The following SFT2D1 variants were observed in gnomAD, a reference collection of about 807,000 sequenced individuals.
SFT2D1 encodes the protein SFT2 domain containing 1, also known as vesicle transport protein SFT2A.
SFT2D1 carries 24 observed loss-of-function variants against 28.1 expected under a neutral mutation model. That is an observed-to-expected ratio of 0.85 (90% CI 0.62 to 1.20). The LOEUF (loss-of-function observed/expected upper bound fraction) is 1.20. Ranked by LOEUF, SFT2D1 falls within the 50% of genes most tolerant of loss-of-function variation. SFT2D1 has a pLI of 0.00. For missense variants in SFT2D1, 181 were observed against 190.9 expected (o/e 0.95, Z 0.31); for synonymous variants, 82 against 73.7 (o/e 1.11, Z -0.58).
Position 166,330,143 on chromosome 6 carries a change from T to C in SFT2D1, c.150+18A>G, listed in dbSNP as rs747099422. Reference sequence around the variant, plus strand: ...ATACAAAATAAAAATTATTAAACAATATAAAGCCTTAACTCACAAGAATAG... The same window carrying C: ...ATACAAAATAAAAATTATTAAACAACATAAAGCCTTAACTCACAAGAATAG... On this transcript the variant is annotated intron_variant, in intron 2 of 7. Coordinates refer to ENST00000361731, the MANE Select transcript of SFT2D1 (RefSeq NM_145169.3). 1.3e-6 allele frequency: 2 copies of C among 1,536,808 alleles called. No homozygotes were observed. Among genetic ancestry groups the C allele is most frequent in the East Asian group, 4.6e-5 (2 of 43,458 alleles).
At chr6:166,340,633 G>C (rs938775956) in intron 1 of SFT2D1, among the ~76,000 whole-genome samples, 1 of 152,162 alleles carries the variant, frequency 6.6e-6, no homozygotes, top group Non-Finnish European at 1.5e-5. Flanking sequence ...CTCCCTGGCA[G>C]GGAGGCCTTA....
intron 7 of SFT2D1, 143 bp from the exon 8 acceptor site, chr6:166,320,399 G>GT: frequency 1.6e-6 from 1 of 643,500 alleles, no homozygotes; most frequent in Non-Finnish European, 2.6e-6. Flanking sequence ...ACTTTGTTCA[G>GT]TATCATTTAA....
chr6:166,338,472 TA>T (rs1778706329), intron 1 of SFT2D1, among the ~76,000 whole-genome samples: 1 of 151,948 alleles, frequency 6.6e-6, no homozygotes, highest in African/African-American at 2.4e-5. Flanking sequence ...AGGACATAAA[TA>T]GGGGCAGAGT....
intron 3 of SFT2D1, among the ~76,000 whole-genome samples, chr6:166,328,687 G>T (rs963466325): frequency 3.3e-5 from 5 of 152,180 alleles, no homozygotes; most frequent in African/African-American, 1.2e-4. Context: ...CTTCTGCCCT[G>T]GGAGGACACA....
intron 4 of SFT2D1, 90 bp downstream of exon 4, chr6:166,328,183 AAAG>A (rs937378301): frequency 7.3e-6 from 4 of 548,280 alleles, no homozygotes; most frequent in South Asian, 5.3e-5. Flanking sequence ...AAAAATAAAA[AAAG>A]AAGTATACAT....
In SFT2D1 at chr6:166,342,200, C is replaced by CGG. The variant is rs397698776; in HGVS notation, c.63+217_63+218dup. ...AAGTCAGAAGGCCAGATGGGAGAGT[C>CGG]GGGGGGGGGCCTCAAAGTGGGTTTA... On this transcript the variant is annotated intron_variant, in intron 1 of 7. Coordinates refer to ENST00000361731, the MANE Select transcript of SFT2D1 (RefSeq NM_145169.3). Among the ~76,000 whole-genome samples the CGG allele has an allele frequency of 7.6e-3, 1,142 of 150,852 alleles. 10 individuals are homozygous for CGG. The highest frequency in any genetic ancestry group is 0.045 in the South Asian group (213 of 4,764).
At chr6:166,322,565 C>T (rs1778375813) in intron 7 of SFT2D1, among the ~76,000 whole-genome samples, 1 of 151,496 alleles carries the variant, frequency 6.6e-6, no homozygotes, top group Non-Finnish European at 1.5e-5. Context: ...TGGCAGTACG[C>T]GCCTGTAGTC....
chr6:166,337,362 C>T (rs1414970222), intron 1 of SFT2D1, among the ~76,000 whole-genome samples: 2 of 152,202 alleles, frequency 1.3e-5, no homozygotes, highest in Non-Finnish European at 2.9e-5. Flanking sequence ...TCCTTAATTC[C>T]AAGGAACATT....
chr6:166,325,672 C>T (rs1181008823), intron 5 of SFT2D1, among the ~76,000 whole-genome samples: 1 of 152,268 alleles, frequency 6.6e-6, no homozygotes, highest in Non-Finnish European at 1.5e-5. Flanking sequence ...TGAGCCAGGG[C>T]CCTTCACCAC....
At chr6:166,335,906 C>T (rs763844024) in intron 1 of SFT2D1, among the ~76,000 whole-genome samples, 1 of 152,192 alleles carries the variant, frequency 6.6e-6, no homozygotes, top group African/African-American at 2.4e-5. Context: ...ACAATACTCA[C>T]GTGTATGAGC....
chr6:166,339,571 T>G (rs1332818400), intron 1 of SFT2D1, among the ~76,000 whole-genome samples: 1 of 152,088 alleles, frequency 6.6e-6, no homozygotes, highest in Non-Finnish European at 1.5e-5. Flanking sequence ...CTGACTTCAA[T>G]CAGGCCTCTG....
intron 4 of SFT2D1, among the ~76,000 whole-genome samples, chr6:166,327,362 G>A (rs1310623152): frequency 1.3e-5 from 2 of 152,152 alleles, no homozygotes; most frequent in Non-Finnish European, 2.9e-5. Flanking sequence ...GCACGTATGA[G>A]AATGGAAACA....
intron 4 of SFT2D1, among the ~76,000 whole-genome samples, chr6:166,327,193 G>T (rs1235855663): frequency 6.6e-6 from 1 of 152,142 alleles, no homozygotes; most frequent in Non-Finnish European, 1.5e-5. Context: ...AGTTATAATG[G>T]TAACATTTAA....
At chr6:166,339,844 G>A (rs1277502875) in intron 1 of SFT2D1, among the ~76,000 whole-genome samples, 1 of 152,070 alleles carries the variant, frequency 6.6e-6, no homozygotes, top group African/African-American at 2.4e-5. Context: ...TCAAACCTTG[G>A]ACCTCATCTT....
intron 5 of SFT2D1, among the ~76,000 whole-genome samples, chr6:166,325,627 C>A (rs545250376): frequency 1.6e-4 from 24 of 152,338 alleles, no homozygotes; most frequent in African/African-American, 5.5e-4. Flanking sequence ...ACTCACAGCG[C>A]ACCCCTGCAG....
At chr6:166,331,028 T>A (rs2114902901) in intron 1 of SFT2D1, among the ~76,000 whole-genome samples, 1 of 152,350 alleles carries the variant, frequency 6.6e-6, no homozygotes, top group Non-Finnish European at 1.5e-5. Flanking sequence ...ACAGCATTCC[T>A]ATATACCATG....
At chr6:166,327,665 T>G (rs1778472616) in intron 4 of SFT2D1, among the ~76,000 whole-genome samples, 1 of 152,038 alleles carries the variant, frequency 6.6e-6, no homozygotes, top group Non-Finnish European at 1.5e-5. Context: ...GGCTTAAAAA[T>G]GAAAGCACAC....
At chr6:166,324,412 G>T in intron 6 of SFT2D1, 125 bp downstream of exon 6, 2 of 821,900 alleles carry the variant, frequency 2.4e-6, no homozygotes, top group South Asian at 1.8e-5. Flanking sequence ...CCCCTCCTCT[G>T]ACCCTGCAGG....
At chr6:166,329,468 A>G (rs941210068) in intron 3 of SFT2D1, 39 bp downstream of exon 3, 3 of 1,571,336 alleles carry the variant, frequency 1.9e-6, no homozygotes, top group Non-Finnish European at 2.6e-6. Flanking sequence ...TAAATTTGGT[A>G]GCAAGAGCAA....
Sources: allele counts gnomAD v4.1 joint callset (sites outside exome capture counted in the v4.1 genomes callset), GRCh38; gene constraint gnomAD v4.1.1; transcripts MANE v1.5; gene names NCBI Gene and HGNC (gene_info 2026-07-23, HGNC 2026-07-21).